The following PLXNB1 variants were observed in gnomAD, a reference collection of about 807,000 sequenced individuals.
The protein encoded by PLXNB1 is plexin-B1.
PLXNB1 carries 106 observed loss-of-function variants against 209.4 expected under a neutral mutation model. The ratio of observed to expected loss-of-function variants is 0.51; its 90% confidence interval spans 0.43 to 0.59. PLXNB1 has a LOEUF of 0.59. Ranked by LOEUF, PLXNB1 falls within the 20% of genes least tolerant of loss-of-function variation. The pLI is 0.00. For missense variants in PLXNB1, 2,357 were observed against 2,853.2 expected (o/e 0.83, Z 3.96); for synonymous variants, 1,167 against 1,183.2 (o/e 0.99, Z 0.28).
chr3:48,423,413 C>T, intron 3 of PLXNB1, 92 bp downstream of exon 3: 1 of 1,389,846 alleles, frequency 7.2e-7, no homozygotes, highest in Non-Finnish European at 1.0e-6. Flanking sequence ...CTACCACCAG[C>T]TGCCCTCGGA....
chr3:48,412,959 T>G lies in PLXNB1; in HGVS notation c.4637A>C (p.Asp1546Ala). The stretch of plus-strand genomic sequence containing the variant: ...GAGATCGGTCATCTCAGTCATGAGG[T>G]CTGTTAAGCAGAAGAGGCCAGGTTA... Reference protein sequence around the residue: ...VRDRCKKEFTDLMTEMTDLTS... With the variant: ...VRDRCKKEFTALMTEMTDLTS... Residue 1546 changes from aspartate to alanine, a missense_variant and splice_region_variant, in exon 25 of 38, where the codon GAC (aspartate) becomes GCC (alanine). By Grantham distance (126) the Asp-to-Ala change is moderately radical (BLOSUM62 -2). This residue lies in a region of PLXNB1 where 743 missense variants were observed against 896.2 expected (regional missense o/e 0.83). Coordinates refer to ENST00000296440, the MANE Select transcript of PLXNB1 (RefSeq NM_001130082.3). The G allele has an allele frequency of 1.2e-6, 2 of 1,613,826 alleles. No homozygotes were observed. Among genetic ancestry groups the G allele is most frequent in the Non-Finnish European group, 1.7e-6 (2 of 1,179,858 alleles).
Position 48,416,243 on chromosome 3 carries a change from G to T in PLXNB1, c.3481-76C>A. 4 of 1,380,702 alleles carry T rather than the reference G, an allele frequency of 2.9e-6. No homozygotes were observed. Among genetic ancestry groups the T allele is most frequent in the African/African-American group, 1.4e-5 (1 of 69,230 alleles). The allele number at this position is 1,380,702 out of a possible 1,614,324, so 85.5% of individuals were successfully genotyped here. ...CAGGGACAGCCTGAGAGACAGGCTGGCCCAGGACTGGGAGCCCCACCAAGG... is the reference window on the plus strand; with the variant it reads ...CAGGGACAGCCTGAGAGACAGGCTGTCCCAGGACTGGGAGCCCCACCAAGG... On this transcript the variant is annotated intron_variant, in intron 17 of 37. Coordinates refer to ENST00000296440, the MANE Select transcript of PLXNB1 (RefSeq NM_001130082.3). The surrounding 1 kb of genome is among the most constrained non-coding windows in gnomAD (Gnocchi z 4.1).
chr3:48,409,197 A>C lies in PLXNB1; in HGVS notation c.6087+132T>G. ...TAAAACTGAGGTGGCCCCGGGATGAAGCCTTGGCTTGGGAGGTCAGAGGTC... is the reference window on the plus strand; with the variant it reads ...TAAAACTGAGGTGGCCCCGGGATGACGCCTTGGCTTGGGAGGTCAGAGGTC... On this transcript the variant is annotated intron_variant, in intron 34 of 37. Transcript: ENST00000296440. The surrounding 1 kb of genome is among the most constrained non-coding windows in gnomAD (Gnocchi z 5.8). The C allele has an allele frequency of 3.9e-6, 4 of 1,038,428 alleles. No individual in the cohort carries two copies. Among genetic ancestry groups the C allele is most frequent in the East Asian group, 2.6e-5 (1 of 38,676 alleles). The allele number at this position is 1,038,428 out of a possible 1,614,324, so 64.3% of individuals were successfully genotyped here. A position where few individuals can be genotyped will look rare whatever the true frequency, so the allele number is the denominator to read the frequency against.
In PLXNB1 at chr3:48,415,491, T is replaced by C; in HGVS notation, c.3794+92A>G. ...CCTACTAGCAGCATGGGATTCTCAG[T>C]GCCTCAACATAAAGCCCTACAAACC... On this transcript the variant is annotated intron_variant, in intron 19 of 37. Coordinates refer to ENST00000296440, the MANE Select transcript of PLXNB1 (RefSeq NM_001130082.3). The surrounding 1 kb of genome is among the most constrained non-coding windows in gnomAD (Gnocchi z 5.0). 3 of 1,425,634 alleles carry C rather than the reference T, an allele frequency of 2.1e-6. No homozygotes were observed. Among genetic ancestry groups the C allele is most frequent in the Non-Finnish European group, 2.9e-6 (3 of 1,049,814 alleles). 88.3% of individuals were successfully genotyped at this position (1,425,634 alleles called of 1,614,324 possible).
In PLXNB1 at chr3:48,419,220, C is replaced by G; in HGVS notation, c.2832+24G>C. The G allele has an allele frequency of 6.5e-7, 1 of 1,545,110 alleles. No homozygotes were observed. Among genetic ancestry groups the G allele is most frequent in the Non-Finnish European group, 8.8e-7 (1 of 1,142,016 alleles). On this transcript the variant is annotated intron_variant, in intron 12 of 37. Transcript: ENST00000296440. This position sits in a 1 kb window ranked among gnomAD's most constrained non-coding sequence, Gnocchi z 5.7. ...TCAACAGCTAAGGAGGCTGCAAGGA[C>G]AGCGGCAGGCAGGACACACTGACCT...
rs2038042431 is a variant in PLXNB1, at chr3:48,415,704, G to C, written c.3673C>G (p.Pro1225Ala). 6.4e-7 allele frequency: 1 copy of C among 1,553,560 alleles called. No individual in the cohort carries two copies. Among genetic ancestry groups the C allele is most frequent in the Non-Finnish European group, 8.7e-7 (1 of 1,148,048 alleles). Residue 1225 changes from proline (P) to alanine (A), a missense_variant, in exon 19 of 38, where the codon CCT becomes GCT. By Grantham distance (27) the Pro-to-Ala change is conservative. Transcript: ENST00000296440. This position sits in a 1 kb window ranked among gnomAD's most constrained non-coding sequence, Gnocchi z 5.0. Reference protein sequence around the residue: ...LRCETSPRPTPATLPVAVWFG... With the variant: ...LRCETSPRPTAATLPVAVWFG... ...CACACAGCCACAGGGAGCGTGGCAG[G>C]CGTGGGGCGTGGGCTGGTCTCACAC...
chr3:48,404,636 GTGTT>G, intron 37 of PLXNB1, 46 bp from the exon 38 acceptor site: 1 of 1,349,538 alleles, frequency 7.4e-7, no homozygotes, highest in African/African-American at 1.4e-5. Context: ...TTTGGCCAAC[GTGTT>G]TGCTGCAAAA....
At chr3:48,408,090 AG>A (rs2037422483) in intron 34 of PLXNB1, among the ~76,000 whole-genome samples, 1 of 152,184 alleles carries the variant, frequency 6.6e-6, no homozygotes, top group Non-Finnish European at 1.5e-5. Flanking sequence ...GGCTCACTGC[AG>A]CTTCAACCTC....
At chr3:48,426,675 G>A (rs1001137417) in intron 1 of PLXNB1, among the ~76,000 whole-genome samples, 10 of 152,214 alleles carry the variant, frequency 6.6e-5, no homozygotes, top group African/African-American at 2.4e-4. Flanking sequence ...AGCCTGGCTG[G>A]GCACTGCTCC....
Position 48,424,061 on chromosome 3 carries a change from A to C in PLXNB1, c.551T>G (p.Ile184Ser). Residue 184 changes from isoleucine (I) to serine (S), a missense_variant, in exon 3 of 38, where the codon ATC becomes AGC. This residue lies in a region of PLXNB1 where 404 missense variants were observed against 443.6 expected (regional missense o/e 0.91). Transcript: ENST00000296440. ...SRGVGGGIPPITTRALWPPDP... is the reference protein window; with the variant it reads ...SRGVGGGIPPSTTRALWPPDP... ...GGGCGGCCACAGGGCCCGGGTTGTGATGGGTGGAATGCCACCCCCCACACC... is the reference window on the plus strand; with the variant it reads ...GGGCGGCCACAGGGCCCGGGTTGTGCTGGGTGGAATGCCACCCCCCACACC... 6.3e-7 allele frequency: 1 copy of C among 1,583,868 alleles called. No homozygotes were observed. Among genetic ancestry groups the C allele is most frequent in the Non-Finnish European group, 8.6e-7 (1 of 1,164,302 alleles).
chr3:48,404,725 CTT>C (rs1446415362), intron 37 of PLXNB1, 135 bp from the exon 38 acceptor site: 3 of 601,344 alleles, frequency 5.0e-6, no homozygotes, highest in Non-Finnish European at 5.9e-6. Flanking sequence ...ACTTCACGTA[CTT>C]TCTGGGACCT....
In PLXNB1 at chr3:48,415,196, G is replaced by T. The variant is rs754117058; in HGVS notation, c.3946C>A (p.Pro1316Thr). 36 of 1,613,232 alleles carry T rather than the reference G, an allele frequency of 2.2e-5. No individual in the cohort carries two copies. Among genetic ancestry groups the T allele is most frequent in the Non-Finnish European group, 3.0e-5 (35 of 1,179,880 alleles). The change falls in exon 20 of 38, where the codon CCC becomes ACC. Residue 1316 changes from proline to threonine, a missense_variant. Transcript: ENST00000296440. The surrounding 1 kb of genome is among the most constrained non-coding windows in gnomAD (Gnocchi z 5.0). ...VVPETACSLG[P>T]SCSSQQFEEP... The stretch of plus-strand genomic sequence containing the variant: ...CCTACTTGCTGGCTACTGCAGGAGG[G>T]TCCAAGGGAACATGCCGTCTCCGGG...
chr3:48,422,785 T>C lies in PLXNB1; in HGVS notation c.1270A>G (p.Ser424Gly), dbSNP rs990560551. Reference protein sequence around the residue: ...DGHTIAFLGDSQGQLHRVYLG... With the variant: ...DGHTIAFLGDGQGQLHRVYLG... Reference sequence around the variant, plus strand: ...CTCACCCTGTGCAGCTGCCCTTGACTATCACCCAGGAAAGCGATGGTGTGT... The same window carrying C: ...CTCACCCTGTGCAGCTGCCCTTGACCATCACCCAGGAAAGCGATGGTGTGT... The change falls in exon 4 of 38, where the codon AGT becomes GGT. Residue 424 changes from serine to glycine, a missense_variant. This residue lies in a region of PLXNB1 where 404 missense variants were observed against 443.6 expected (regional missense o/e 0.91). Transcript: ENST00000296440. 6.2e-7 allele frequency: 1 copy of C among 1,613,914 alleles called. No homozygotes were observed. Among genetic ancestry groups the C allele is most frequent in the Non-Finnish European group, 8.5e-7 (1 of 1,179,946 alleles).
rs1264625779 is a variant in PLXNB1 at position 48,413,919 on chromosome 3, T to C, written c.4362A>G (p.Ala1454=). ...CCGTGAACTCAGGCAAAGAGTCAGG[T>C]GCCTCTCGGAGGGCATGGTGCCGTG... is the stretch of plus-strand genomic sequence containing the variant. The part of the protein sequence containing the change: ...PLPRHHALRE[A]PDSLPEFTVQ... Residue 1454 remains alanine, a synonymous_variant, in exon 22 of 38, where the codon GCA becomes GCG. Coordinates refer to ENST00000296440, the MANE Select transcript of PLXNB1 (RefSeq NM_001130082.3). The surrounding 1 kb of genome is among the most constrained non-coding windows in gnomAD (Gnocchi z 5.4). The C allele has an allele frequency of 6.2e-7, 1 of 1,610,722 alleles. No individual in the cohort carries two copies. Among genetic ancestry groups the C allele is most frequent in the Admixed American group, 1.7e-5 (1 of 59,782 alleles).
intron 1 of PLXNB1, among the ~76,000 whole-genome samples, chr3:48,428,032 C>G (rs140711597): frequency 0.012 from 1,861 of 152,300 alleles, 15 homozygotes; most frequent in Non-Finnish European, 0.021. Context: ...GGACTTGAAG[C>G]TCCTTGAAGG....
chr3:48,419,064 G>A lies in PLXNB1; in HGVS notation c.2833-25C>T. The A allele has an allele frequency of 6.2e-7, 1 of 1,611,610 alleles. No individual in the cohort carries two copies. Among genetic ancestry groups the A allele is most frequent in the Non-Finnish European group, 8.5e-7 (1 of 1,178,060 alleles). The stretch of plus-strand genomic sequence containing the variant: ...CCTGAGGGCAGAGAACACAGCTGTT[G>A]GGCAGCTTCAGGAGCTGGGCCCAGG... On this transcript the variant is annotated intron_variant, in intron 12 of 37. Transcript: ENST00000296440. The surrounding 1 kb of genome is among the most constrained non-coding windows in gnomAD (Gnocchi z 5.7).
chr3:48,404,110 T>G lies in PLXNB1; in HGVS notation c.*376A>C. 2 of 191,978 alleles carry G rather than the reference T, an allele frequency of 1.0e-5. No individual in the cohort carries two copies. Among genetic ancestry groups the G allele is most frequent in the Non-Finnish European group, 1.1e-5 (1 of 93,464 alleles). The allele number at this position is 191,978 out of a possible 1,614,324, so 11.9% of individuals were successfully genotyped here. A position where few individuals can be genotyped will look rare whatever the true frequency, so the allele number is the denominator to read the frequency against. On this transcript the variant is annotated 3_prime_UTR_variant, in exon 38 of 38. Coordinates refer to ENST00000296440, the MANE Select transcript of PLXNB1 (RefSeq NM_001130082.3). ...TGGTGGAGGAGGCAGACAGGAAGCA[T>G]GGGGCTCTCCTCCTTCCTCTCCGAA...
Position 48,409,179 on chromosome 3 carries a change from G to A in PLXNB1, c.6087+150C>T. 1 of 840,000 alleles carries A rather than the reference G, an allele frequency of 1.2e-6. No homozygotes were observed. The highest frequency in any genetic ancestry group is 1.8e-6 in the Non-Finnish European group (1 of 544,092). 52.0% of individuals were successfully genotyped at this position (840,000 alleles called of 1,614,324 possible). A position where few individuals can be genotyped will look rare whatever the true frequency, so the allele number is the denominator to read the frequency against. ...CTCCTCTTGCTCATCCCTTAAAACT[G>A]AGGTGGCCCCGGGATGAAGCCTTGG... On this transcript the variant is annotated intron_variant, in intron 34 of 37. Coordinates refer to ENST00000296440, the MANE Select transcript of PLXNB1 (RefSeq NM_001130082.3). This position sits in a 1 kb window ranked among gnomAD's most constrained non-coding sequence, Gnocchi z 5.8.
Position 48,416,550 on chromosome 3 carries a change from C to T in PLXNB1, c.3375-99G>A, listed in dbSNP as rs1575395383. The T allele has an allele frequency of 1.4e-6, 1 of 703,706 alleles. No homozygotes were observed. The highest frequency in any genetic ancestry group is 2.7e-5 in the East Asian group (1 of 37,558). The allele number at this position is 703,706 out of a possible 1,614,324, so 43.6% of individuals were successfully genotyped here. On this transcript the variant is annotated intron_variant, in intron 16 of 37. Transcript: ENST00000296440. The surrounding 1 kb of genome is among the most constrained non-coding windows in gnomAD (Gnocchi z 4.1). ...CCCTGCCCTACTGTCAGGTGGTCTT[C>T]CCCTTCCCATGCTCCATAAGATTGA...
Sources: gnomAD v4.1 joint callset for allele counts (sites outside exome capture counted in the v4.1 genomes callset) on GRCh38, gnomAD v4.1.1 for gene constraint, gnomAD v4.1.1 regional missense constraint, Gnocchi (gnomAD v3.1) non-coding constraint, MANE v1.5 for transcripts, NCBI Gene and HGNC (gene_info 2026-07-23, HGNC 2026-07-21) for gene names.